Variants in PRDM5 observed in about 807,000 individuals in gnomAD.
The protein encoded by PRDM5 is PR domain zinc finger protein 5.
Under a neutral mutation model 81.2 loss-of-function variants are expected in PRDM5, and 56 were observed. That is an observed-to-expected ratio of 0.69 (90% CI 0.56 to 0.86). The LOEUF (loss-of-function observed/expected upper bound fraction) is 0.86. Ranked by LOEUF, PRDM5 falls within the 40% of genes least tolerant of loss-of-function variation. The probability of loss-of-function intolerance (pLI) is 0.00; values close to 1 mark genes in which losing one functional copy is unlikely to be tolerated. For synonymous variants in PRDM5, 267 were observed against 256.4 expected (o/e 1.04, Z -0.39); for missense variants, 697 against 770.1 (o/e 0.91, Z 1.12).
chr4:120,805,990 A>G (rs1351295321), intron 8 of PRDM5, among the ~76,000 whole-genome samples: 1 of 152,220 alleles, frequency 6.6e-6, no homozygotes, highest in Admixed American at 6.5e-5. Flanking sequence ...CTAATAAGCA[A>G]CTTCAGCAGT....
chr4:120,725,319 C>T (rs939128393), intron 14 of PRDM5, among the ~76,000 whole-genome samples: 7 of 144,888 alleles, frequency 4.8e-5, no homozygotes, highest in Admixed American at 4.8e-4. Flanking sequence ...TCTTCTTTCA[C>T]AAATGGGTGT....
chr4:120,821,318 C>A lies in PRDM5; in HGVS notation c.328G>T (p.Val110Phe). The change falls in exon 4 of 16, where the codon GTT (valine) becomes TTT (phenylalanine). Residue 110 changes from valine (V) to phenylalanine (F), a missense_variant. Physicochemically the swap from Val to Phe is conservative, Grantham distance 50 (BLOSUM62 -1). Coordinates refer to ENST00000264808, the MANE Select transcript of PRDM5 (RefSeq NM_018699.4). ...TCCGTGTCTGTTTCTATATCTTCAA[C>A]TGCCAAATAGAAAATGTTTTCTCCT... Reference protein sequence around the residue: ...QEGENIFYLAVEDIETDTELL... With the variant: ...QEGENIFYLAFEDIETDTELL... 1.2e-6 allele frequency: 2 copies of A among 1,614,020 alleles called. No individual in the cohort carries two copies. Among genetic ancestry groups the A allele is most frequent in the Non-Finnish European group, 1.7e-6 (2 of 1,179,980 alleles).
At chr4:120,886,591 CT>C (rs1244874615) in intron 2 of PRDM5, among the ~76,000 whole-genome samples, 1 of 152,032 alleles carries the variant, frequency 6.6e-6, no homozygotes, top group Non-Finnish European at 1.5e-5. Flanking sequence ...CAGTTGTTTC[CT>C]TTTTTTAACC....
At chr4:120,684,964 T>C (rs943963605) in exon 2 of PRDM5, 1 of 152,022 alleles carries the variant, frequency 6.6e-6, no homozygotes, top group South Asian at 2.1e-4. Context: ...CCATAATGCA[T>C]AAATGACAAA....
chr4:120,833,276 C>CAGGAG (rs1188687650), intron 3 of PRDM5, among the ~76,000 whole-genome samples: 1 of 152,114 alleles, frequency 6.6e-6, no homozygotes, highest in African/African-American at 2.4e-5. Flanking sequence ...CCACCCGGGA[C>CAGGAG]AGGAGTCCTC....
chr4:120,839,140 T>C, intron 3 of PRDM5: 1 of 677,224 alleles, frequency 1.5e-6, no homozygotes, highest in South Asian at 1.5e-5. Flanking sequence ...AGCTCCCAGG[T>C]CTGGGATCCC....
intron 11 of PRDM5, among the ~76,000 whole-genome samples, chr4:120,784,083 C>T (rs2390053): frequency 0.17 from 26,430 of 152,062 alleles, 2,775 homozygotes; most frequent in East Asian, 0.48. Flanking sequence ...CCATGGTACA[C>T]AATTTTTCCA....
chr4:120,753,916 G>T (rs1416249596), intron 14 of PRDM5, among the ~76,000 whole-genome samples: 1 of 152,150 alleles, frequency 6.6e-6, no homozygotes, highest in Non-Finnish European at 1.5e-5. Context: ...GTGGGTGATG[G>T]TGAGTAAGCT....
At chr4:120,812,303 A>T (rs1753953384) in intron 7 of PRDM5, among the ~76,000 whole-genome samples, 1 of 152,116 alleles carries the variant, frequency 6.6e-6, no homozygotes, top group African/African-American at 2.4e-5. Flanking sequence ...GTATATATCT[A>T]CAGTGGAATT....
intron 14 of PRDM5, among the ~76,000 whole-genome samples, chr4:120,718,279 G>A (rs2149048876): frequency 6.6e-6 from 1 of 152,300 alleles, no homozygotes; most frequent in East Asian, 1.9e-4. Context: ...GGAATCAGAT[G>A]TGGAAGACAG....
intron 2 of PRDM5, among the ~76,000 whole-genome samples, chr4:120,864,800 T>C (rs932082501): frequency 6.6e-6 from 1 of 152,222 alleles, no homozygotes; most frequent in African/African-American, 2.4e-5. Context: ...ACTAAAGCTC[T>C]TATGTCCTAA....
chr4:120,745,520 T>C (rs1742852979), intron 14 of PRDM5, among the ~76,000 whole-genome samples: 1 of 151,004 alleles, frequency 6.6e-6, no homozygotes, highest in Non-Finnish European at 1.5e-5. Flanking sequence ...GATGATTGTA[T>C]ATCTAGAAAA....
chr4:120,873,602 A>G (rs1050725412), intron 2 of PRDM5, among the ~76,000 whole-genome samples: 8 of 152,202 alleles, frequency 5.3e-5, no homozygotes, highest in Non-Finnish European at 1.0e-4. Context: ...CATTATATCT[A>G]TTGGACTCTC....
At chr4:120,884,979 T>G (rs557303615) in intron 2 of PRDM5, among the ~76,000 whole-genome samples, 1 of 147,102 alleles carries the variant, frequency 6.8e-6, no homozygotes, top group Admixed American at 6.7e-5. Context: ...TGAAACCCCC[T>G]CTCTACTAAA....
chr4:120,897,084 A>T (rs1306451711), intron 2 of PRDM5: 1 of 151,478 alleles, frequency 6.6e-6, no homozygotes, highest in African/African-American at 2.4e-5. Context: ...CCCTCATTTG[A>T]AGAATGAATG....
intron 14 of PRDM5, among the ~76,000 whole-genome samples, chr4:120,743,216 G>C (rs1015779235): frequency 2.6e-5 from 4 of 151,340 alleles, no homozygotes; most frequent in African/African-American, 9.8e-5. Context: ...ATACTTTACA[G>C]ACAAGGAAAT....
At chr4:120,828,860 G>A (rs1378854155) in intron 3 of PRDM5, among the ~76,000 whole-genome samples, 1 of 152,008 alleles carries the variant, frequency 6.6e-6, no homozygotes, top group East Asian at 1.9e-4. Flanking sequence ...TGGCTTGGCC[G>A]CTCTGAGGCT....
intron 8 of PRDM5, among the ~76,000 whole-genome samples, chr4:120,805,935 G>A (rs1752850842): frequency 6.6e-6 from 1 of 152,210 alleles, no homozygotes; most frequent in African/African-American, 2.4e-5. Flanking sequence ...TGACATGACT[G>A]TATATCTAGA....
chr4:120,816,696 TTA>T, intron 6 of PRDM5, 122 bp from the exon 7 acceptor site: 1 of 1,531,354 alleles, frequency 6.5e-7, no homozygotes, highest in Non-Finnish European at 9.0e-7. Flanking sequence ...ATTCCATGCA[TTA>T]CCTATGCAGG....
Sources: allele counts gnomAD v4.1 joint callset (sites outside exome capture counted in the v4.1 genomes callset), GRCh38; gene constraint gnomAD v4.1.1; transcripts MANE v1.5; gene names NCBI Gene and HGNC (gene_info 2026-07-23, HGNC 2026-07-21).